The following RIMBP2 variants were observed in gnomAD, a reference collection of about 807,000 sequenced individuals.
RIMBP2 encodes RIMS-binding protein 2.
A neutral mutation model predicts 118.6 loss-of-function variants in RIMBP2; 48 were observed. That is an observed-to-expected ratio of 0.40 (90% CI 0.32 to 0.51). The LOEUF is 0.51. Ranked by LOEUF, RIMBP2 falls within the 20% of genes least tolerant of loss-of-function variation. The pLI, the probability that RIMBP2 is intolerant of heterozygous loss-of-function variation, is 0.41. For synonymous variants in RIMBP2, 762 were observed against 742.9 expected, an observed-to-expected ratio of 1.03 and a Z score of -0.42; for missense variants, 1,551 against 1,768.3, an observed-to-expected ratio of 0.88 and a Z score of 2.20.
At chr12:130,696,943 G>A (rs898683982) in intron 1 of RIMBP2, among the ~76,000 whole-genome samples, 2 of 152,200 alleles carry the variant, frequency 1.3e-5, no homozygotes, top group Non-Finnish European at 2.9e-5. Flanking sequence ...ATCATCTCAC[G>A]TGGCTAAAGG....
chr12:130,421,396 T>C (rs185199048), intron 17 of RIMBP2, among the ~76,000 whole-genome samples: 30 of 152,282 alleles, frequency 2.0e-4, no homozygotes, highest in African/African-American at 6.5e-4. Flanking sequence ...ATAAACACAA[T>C]CTAAAAGCTG....
intron 2 of RIMBP2, among the ~76,000 whole-genome samples, chr12:130,577,995 T>C (rs2058207455): frequency 1.3e-5 from 2 of 152,208 alleles, no homozygotes; most frequent in Admixed American, 6.5e-5. Flanking sequence ...ACATCTTATA[T>C]AGCTACGGTT....
intron 1 of RIMBP2, among the ~76,000 whole-genome samples, chr12:130,708,388 T>G (rs1949652783): frequency 6.6e-6 from 1 of 152,182 alleles, no homozygotes; most frequent in Non-Finnish European, 1.5e-5. Context: ...AAGTTATATC[T>G]CAGTAAAGCA....
rs144470586 is a variant in RIMBP2, at chr12:130,422,140, G to A, written c.3238+313C>T. On this transcript the variant is annotated intron_variant, in intron 17 of 22. Transcript: ENST00000690449. The surrounding 1 kb of genome is among the most constrained non-coding windows in gnomAD (Gnocchi z 5.2). ...CCTGCCATGGACTGTGACCCTGAGTGTCCCAGGGAGCCCATGCCAGGATGA... is the reference window on the plus strand; with the variant it reads ...CCTGCCATGGACTGTGACCCTGAGTATCCCAGGGAGCCCATGCCAGGATGA... Among the ~76,000 whole-genome samples, 1,017 of 152,292 alleles carry A rather than the reference G, an allele frequency of 6.7e-3. 8 individuals are homozygous for A. The highest frequency in any genetic ancestry group is 0.023 in the African/African-American group (967 of 41,572).
At chr12:130,417,173 A>G (rs1292969615) in intron 17 of RIMBP2, among the ~76,000 whole-genome samples, 2 of 152,198 alleles carry the variant, frequency 1.3e-5, no homozygotes, top group African/African-American at 2.4e-5. Context: ...CCACTGTGGA[A>G]AGCAGTTTGG....
At chr12:130,664,417 ACACGCACACACATGCATG>A (rs2063807940) in intron 1 of RIMBP2, among the ~76,000 whole-genome samples, 1 of 80,052 alleles carries the variant, frequency 1.2e-5, no homozygotes, top group Non-Finnish European at 3.1e-5. Flanking sequence ...GCACGCACAC[ACACGCACACACATGCATG>A]CACGCACACA....
intron 1 of RIMBP2, among the ~76,000 whole-genome samples, chr12:130,639,562 C>T (rs1051895180): frequency 6.6e-6 from 1 of 150,690 alleles, no homozygotes; most frequent in South Asian, 2.1e-4. Flanking sequence ...AAGTACCTCA[C>T]CCCTTTAATT....
Position 130,551,856 on chromosome 12 carries a change from A to T in RIMBP2, c.-216-33939T>A, listed in dbSNP as rs1009730917. ...CCTTCCAGTCATCCCACAGAAGTGG[A>T]TTCCTACATTAAATCCCCAAGTCAC... On this transcript the variant is annotated intron_variant, in intron 2 of 22. Coordinates refer to ENST00000690449, the MANE Select transcript of RIMBP2 (RefSeq NM_001393629.1). 1.1e-4 allele frequency among the ~76,000 whole-genome samples: 16 copies of T among 152,370 alleles called. No homozygotes were observed. The Middle Eastern group carries it at 0.01, about 97-fold the overall frequency.
chr12:130,573,513 C>T (rs1490290012), intron 2 of RIMBP2, among the ~76,000 whole-genome samples: 2 of 152,008 alleles, frequency 1.3e-5, no homozygotes, highest in African/African-American at 4.8e-5. Flanking sequence ...TAGACGTGAT[C>T]AGAAAGTGAG....
At chr12:130,650,973 A>AAGAAAG (rs556086232) in intron 1 of RIMBP2, among the ~76,000 whole-genome samples, 84 of 143,290 alleles carry the variant, frequency 5.9e-4, no homozygotes, top group African/African-American at 1.3e-3. Context: ...AAAAAAAAAA[A>AAGAAAG]AAAGAAAGAA....
Position 130,431,467 on chromosome 12 carries a change from A to G in RIMBP2, c.2254-3130T>C. 1 of 395,582 alleles carries G rather than the reference A, an allele frequency of 2.5e-6. No homozygotes were observed. Among genetic ancestry groups the G allele is most frequent in the South Asian group, 1.9e-5 (1 of 51,980 alleles). The allele number at this position is 395,582 out of a possible 1,614,324, so 24.5% of individuals were successfully genotyped here. On this transcript the variant is annotated intron_variant, in intron 14 of 22. Coordinates refer to ENST00000690449, the MANE Select transcript of RIMBP2 (RefSeq NM_001393629.1). This position sits in a 1 kb window ranked among gnomAD's most constrained non-coding sequence, Gnocchi z 4.0. ...CGCCATCTGTATGATTAATGAATGT[A>G]TTCTTTGAATTGAATCAATATTTAA...
chr12:130,664,587 C>T (rs2063839922), intron 1 of RIMBP2, among the ~76,000 whole-genome samples: 1 of 151,578 alleles, frequency 6.6e-6, no homozygotes, highest in South Asian at 2.1e-4. Context: ...TTCTAAATAT[C>T]ACTCGCCACC....
rs773070344 is a variant in RIMBP2, at chr12:130,448,811, C to T, written c.581+1389G>A. 2.3e-3 allele frequency among the ~76,000 whole-genome samples: 350 copies of T among 152,248 alleles called. 1 individual carries two copies. The highest frequency in any genetic ancestry group is 4.2e-3 in the Non-Finnish European group (285 of 68,040). ...GGAGCCCACAGCCCAGGGGCATCTA[C>T]CCCAGTGCTTCTGCTACCTGAACCT... On this transcript the variant is annotated intron_variant, in intron 9 of 22. Coordinates refer to ENST00000690449, the MANE Select transcript of RIMBP2 (RefSeq NM_001393629.1).
chr12:130,576,282 GA>G lies in RIMBP2; in HGVS notation c.-217+52039del, dbSNP rs2058080541. On this transcript the variant is annotated intron_variant, in intron 2 of 22. Coordinates refer to ENST00000690449, the MANE Select transcript of RIMBP2 (RefSeq NM_001393629.1). This position sits in a 1 kb window ranked among gnomAD's most constrained non-coding sequence, Gnocchi z 4.2. ...GGCCCAAAGCAAAAACTACAAACAG[GA>G]ACGGAGAGTTTCATGACCATAGACA... Among the ~76,000 whole-genome samples, 1 of 152,130 alleles carries G rather than the reference GA, an allele frequency of 6.6e-6. No individual in the cohort carries two copies. The highest frequency in any genetic ancestry group is 1.5e-5 in the Non-Finnish European group (1 of 68,020).
chr12:130,579,863 C>A (rs1200199224), intron 2 of RIMBP2, among the ~76,000 whole-genome samples: 1 of 151,858 alleles, frequency 6.6e-6, no homozygotes, highest in Non-Finnish European at 1.5e-5. Context: ...GCAAGGGAGG[C>A]AAAACCATCA....
chr12:130,715,074 G>A (rs533728837), intron 1 of RIMBP2, among the ~76,000 whole-genome samples: 3 of 152,282 alleles, frequency 2.0e-5, no homozygotes, highest in Admixed American at 6.5e-5. Context: ...TCTTCCCACC[G>A]ATCTTCCATT....
intron 2 of RIMBP2, among the ~76,000 whole-genome samples, chr12:130,533,498 T>C (rs569624809): frequency 7.9e-5 from 12 of 152,226 alleles, no homozygotes; most frequent in Non-Finnish European, 1.3e-4. Flanking sequence ...ACTATGGATG[T>C]TTCCCAAGGA....
intron 1 of RIMBP2, among the ~76,000 whole-genome samples, chr12:130,655,762 C>A: frequency 6.6e-6 from 1 of 152,206 alleles, no homozygotes; most frequent in East Asian, 1.9e-4. Context: ...TCCCTCAGCT[C>A]CTCGAATTTG....
At chr12:130,402,007 A>C (rs1286094688) in intron 21 of RIMBP2, among the ~76,000 whole-genome samples, 2 of 152,218 alleles carry the variant, frequency 1.3e-5, no homozygotes. Context: ...CTGGCTGAGT[A>C]GAATGTGGGT....
Sources: allele counts gnomAD v4.1 joint callset (sites outside exome capture counted in the v4.1 genomes callset), GRCh38; gene constraint gnomAD v4.1.1; non-coding constraint Gnocchi (gnomAD v3.1); transcripts MANE v1.5; gene names NCBI Gene and HGNC (gene_info 2026-07-23, HGNC 2026-07-21).